AK8: variants seen among roughly 807,000 people sequenced by gnomAD.
The protein encoded by AK8 is ATP-AMP transphosphorylase 8.
A neutral mutation model predicts 54.6 loss-of-function variants in AK8; 44 were observed. The ratio of observed to expected loss-of-function variants is 0.81; its 90% CI spans 0.63 to 1.04. The LOEUF is 1.04. Among genes scored for constraint, AK8 ranks in the 50% least tolerant of loss-of-function variants. The pLI, the probability that AK8 is intolerant of heterozygous loss-of-function variation, is 0.00. For synonymous variants in AK8, 239 were observed against 245.6 expected, an observed-to-expected ratio of 0.97 and a Z score of 0.25; for missense variants, 555 against 613.6, an observed-to-expected ratio of 0.90 and a Z score of 1.01.
intron 2 of AK8, chr9:132,874,439 G>T (rs983831755): frequency 6.6e-6 from 1 of 152,584 alleles, no homozygotes; most frequent in African/African-American, 2.4e-5. Context: ...CTTCAAAGCA[G>T]CTAATGCTCC....
At chr9:132,877,716 G>A (rs1844190612) in intron 1 of AK8, 1 of 393,470 alleles carries the variant, frequency 2.5e-6, no homozygotes, top group Non-Finnish European at 5.1e-6. Flanking sequence ...TCTGAGGATG[G>A]AGATGCCAGC....
chr9:132,798,138 G>T (rs1268385656), intron 10 of AK8, among the ~76,000 whole-genome samples: 1 of 152,214 alleles, frequency 6.6e-6, no homozygotes, highest in Non-Finnish European at 1.5e-5. Flanking sequence ...ACTGGGTGCT[G>T]CTCTGAGGCT....
At chr9:132,853,257 C>G (rs1200790696) in intron 5 of AK8, among the ~76,000 whole-genome samples, 1 of 150,552 alleles carries the variant, frequency 6.6e-6, no homozygotes, top group Non-Finnish European at 1.5e-5. Flanking sequence ...ACTCAGGAGG[C>G]TGAGGCAGGA....
At position 132,861,493 on chromosome 9, in the gene AK8, C is replaced by G. The variant is rs577326219; in HGVS notation, c.333+2172G>C. 3.3e-5 allele frequency: 5 copies of G among 152,300 alleles called. No individual in the cohort carries two copies. The East Asian group carries it at 9.6e-4, about 29-fold the overall frequency. 9.4% of individuals were successfully genotyped at this position (152,300 alleles called of 1,614,324 possible). On this transcript the variant is annotated intron_variant, in intron 4 of 12. Coordinates refer to ENST00000298545, the MANE Select transcript of AK8 (RefSeq NM_152572.3). ...CAGTCTCCTCACTGGCTGGAAGCTT[C>G]TGGGGTAAGGAGAAGAAACTCATCT...
chr9:132,823,197 G>A lies in AK8; in HGVS notation c.889+8C>T. 6.4e-7 allele frequency: 1 copy of A among 1,559,888 alleles called. No homozygotes were observed. Among genetic ancestry groups the A allele is most frequent in the Non-Finnish European group, 8.7e-7 (1 of 1,155,328 alleles). ...GAAGCTGGGCAGCCCAGCACCTGGG[G>A]CACTCACCATTGACAAGCCTGTATT... On this transcript the variant is annotated splice_region_variant and intron_variant, in intron 9 of 12. Transcript: ENST00000298545.
intron 7 of AK8, 42 bp downstream of exon 7, chr9:132,827,971 C>G: frequency 6.5e-7 from 1 of 1,540,762 alleles, no homozygotes; most frequent in Non-Finnish European, 8.8e-7. Context: ...ACCATGGACT[C>G]TGAAACCCCA....
chr9:132,826,437 G>A lies in AK8; in HGVS notation c.757+417C>T, dbSNP rs2131301667. ...AGCATACCACCTGTGCTGTGTGTGT[G>A]TGTTTTATTGTGTTGTGTGTGGTGG... On this transcript the variant is annotated intron_variant, in intron 8 of 12. Transcript: ENST00000298545. This position sits in a 1 kb window ranked among gnomAD's most constrained non-coding sequence, Gnocchi z 4.5. Among the ~76,000 whole-genome samples the A allele has an allele frequency of 6.6e-6, 1 of 152,318 alleles. No individual in the cohort carries two copies.
At chr9:132,733,375 C>T (rs1419824484) in intron 11 of AK8, among the ~76,000 whole-genome samples, 1 of 152,184 alleles carries the variant, frequency 6.6e-6, no homozygotes, top group East Asian at 1.9e-4. Flanking sequence ...GCTGTCACGG[C>T]GGCTGGCGGC....
At chr9:132,786,057 C>T (rs1839696205) in intron 11 of AK8, among the ~76,000 whole-genome samples, 1 of 152,220 alleles carries the variant, frequency 6.6e-6, no homozygotes, top group Non-Finnish European at 1.5e-5. Flanking sequence ...AGACTTGAAC[C>T]AGAGGCAACG....
rs769601930 is a variant in AK8, at chr9:132,854,845, C to T, written c.402+12G>A. 6.2e-7 allele frequency: 1 copy of T among 1,614,070 alleles called. No homozygotes were observed. The highest frequency in any genetic ancestry group is 1.1e-5 in the South Asian group (1 of 91,062). Reference sequence around the variant, plus strand: ...TCTTGGCACTGAAACCCCTAGCTCACTGGAGTCTTACCTGCTTGATGCAAT... The same window carrying T: ...TCTTGGCACTGAAACCCCTAGCTCATTGGAGTCTTACCTGCTTGATGCAAT... On this transcript the variant is annotated intron_variant, in intron 5 of 12. Coordinates refer to ENST00000298545, the MANE Select transcript of AK8 (RefSeq NM_152572.3).
At chr9:132,784,346 C>T (rs560029203) in intron 11 of AK8, among the ~76,000 whole-genome samples, 2 of 152,290 alleles carry the variant, frequency 1.3e-5, no homozygotes, top group East Asian at 3.9e-4. Flanking sequence ...TGGTGAAACC[C>T]TGTCTCTACT....
intron 2 of AK8, 61 bp from the exon 3 acceptor site, chr9:132,867,014 C>T (rs1386692922): frequency 2.1e-5 from 31 of 1,501,860 alleles, no homozygotes; most frequent in Admixed American, 1.3e-4. Context: ...CCCACACCTG[C>T]GGTACTCGGG....
chr9:132,817,101 C>T (rs1403256307), intron 9 of AK8, among the ~76,000 whole-genome samples: 1 of 152,200 alleles, frequency 6.6e-6, no homozygotes, highest in Non-Finnish European at 1.5e-5. Flanking sequence ...ACCAAAGTGA[C>T]AGACCCTGCT....
intron 11 of AK8, among the ~76,000 whole-genome samples, chr9:132,733,719 T>C (rs1237274471): frequency 6.6e-6 from 1 of 152,264 alleles, no homozygotes; most frequent in East Asian, 1.9e-4. Context: ...GCTACTGCTC[T>C]GTGCATGCCA....
At chr9:132,737,519 A>G (rs1837177702) in intron 11 of AK8, among the ~76,000 whole-genome samples, 1 of 152,246 alleles carries the variant, frequency 6.6e-6, no homozygotes, top group Non-Finnish European at 1.5e-5. Context: ...CATTACATAA[A>G]AAGAATAATA....
At chr9:132,778,477 T>A (rs995942488) in intron 11 of AK8, among the ~76,000 whole-genome samples, 1 of 152,204 alleles carries the variant, frequency 6.6e-6, no homozygotes, top group African/African-American at 2.4e-5. Context: ...GGACCCGTGA[T>A]AATGAAAGAG....
At chr9:132,841,830 G>A (rs994682682) in intron 5 of AK8, among the ~76,000 whole-genome samples, 21 of 152,098 alleles carry the variant, frequency 1.4e-4, no homozygotes, top group African/African-American at 3.9e-4. Flanking sequence ...GCACCCTGGC[G>A]CTTGATTCTT....
chr9:132,838,656 G>A (rs1402963287), intron 5 of AK8, among the ~76,000 whole-genome samples: 1 of 152,180 alleles, frequency 6.6e-6, no homozygotes, highest in Non-Finnish European at 1.5e-5. Context: ...TTTTCTTCTA[G>A]GTAATGTATT....
intron 11 of AK8, among the ~76,000 whole-genome samples, chr9:132,752,588 G>C (rs1837986741): frequency 6.6e-6 from 1 of 152,136 alleles, no homozygotes; most frequent in South Asian, 2.1e-4. Context: ...GATGCCCTGT[G>C]TAATCAAATG....
Sources: allele counts gnomAD v4.1 joint callset (sites outside exome capture counted in the v4.1 genomes callset), GRCh38; gene constraint gnomAD v4.1.1; non-coding constraint Gnocchi (gnomAD v3.1); transcripts MANE v1.5; gene names NCBI Gene and HGNC (gene_info 2026-07-23, HGNC 2026-07-21).